Variants in TCF12 observed in about 807,000 individuals in gnomAD.
The protein encoded by TCF12 is transcription factor 12.
A neutral mutation model predicts 86.0 loss-of-function variants in TCF12; 45 were observed. That is an observed-to-expected ratio of 0.52 (90% CI 0.41 to 0.67). The LOEUF (loss-of-function observed/expected upper bound fraction) is 0.67, where lower values mean the gene tolerates loss of function less well. Among genes scored for constraint, TCF12 ranks in the 30% least tolerant of loss-of-function variants. The pLI is 0.00. For missense variants in TCF12, 881 were observed against 859.9 expected, an observed-to-expected ratio of 1.02 and a Z score of -0.31; for synonymous variants, 330 against 299.6, an observed-to-expected ratio of 1.10 and a Z score of -1.05.
chr15:57,179,842 G>T (rs1215779187), intron 6 of TCF12, among the ~76,000 whole-genome samples: 1 of 151,330 alleles, frequency 6.6e-6, no homozygotes, highest in Admixed American at 6.6e-5. Context: ...TGTTCATAAT[G>T]ACTTGGAACT....
At chr15:56,990,067 A>G (rs1229983508) in intron 3 of TCF12, among the ~76,000 whole-genome samples, 3 of 151,826 alleles carry the variant, frequency 2.0e-5, no homozygotes, top group Admixed American at 6.6e-5. Context: ...AATTGTATTA[A>G]TACCTTAAAA....
At chr15:57,073,275 T>C (rs1259120429) in intron 4 of TCF12, among the ~76,000 whole-genome samples, 1 of 152,222 alleles carries the variant, frequency 6.6e-6, no homozygotes, top group Non-Finnish European at 1.5e-5. Context: ...CAAGTAAAAA[T>C]CAAAGCATAT....
chr15:56,991,874 T>C (rs28360967), intron 3 of TCF12, among the ~76,000 whole-genome samples: 37,348 of 151,966 alleles, frequency 0.25, 5,406 homozygotes, highest in East Asian at 0.4. Context: ...CATCAGGGTA[T>C]AGAAAAAGTA....
intron 5 of TCF12, among the ~76,000 whole-genome samples, chr15:57,093,206 A>T (rs2049103999): frequency 2.6e-5 from 4 of 152,210 alleles, no homozygotes; most frequent in African/African-American, 9.6e-5. Context: ...TTTACAATAA[A>T]TTATTTGGCT....
intron 6 of TCF12, among the ~76,000 whole-genome samples, chr15:57,187,765 A>G (rs1194521191): frequency 6.6e-6 from 1 of 152,180 alleles, no homozygotes; most frequent in African/African-American, 2.4e-5. Context: ...CCCCATCTCT[A>G]TGAAAAATAC....
Sources: allele counts gnomAD v4.1 joint callset (sites outside exome capture counted in the v4.1 genomes callset), GRCh38; gene constraint gnomAD v4.1.1; transcripts MANE v1.5; gene names NCBI Gene and HGNC (gene_info 2026-07-23, HGNC 2026-07-21).